Variants in PIGL observed in about 807,000 individuals in gnomAD.
The protein encoded by PIGL is phosphatidylinositol glycan anchor biosynthesis class L.
In PIGL, 22 loss-of-function variants were observed where a neutral mutation model predicts 31.1. The ratio of observed to expected loss-of-function variants is 0.71; its 90% CI spans 0.51 to 1.01. The LOEUF is 1.01. PIGL is among the 50% of genes least tolerant of loss of function. PIGL has a pLI of 0.00. For missense variants in PIGL, 302 were observed against 315.9 expected (o/e 0.96, Z 0.33); for synonymous variants, 131 against 117.4 (o/e 1.12, Z -0.75).
rs544487665 is a variant in PIGL at position 16,295,726 on chromosome 17, G to A, written c.336-4162G>A. On this transcript the variant is annotated intron_variant, in intron 2 of 6. Transcript: ENST00000225609. ...TGGGAGGCCAAGGTGGGTGGATCAC[G>A]AGGTCAGGAGTTTGAGACCAGCCTG... Among the ~76,000 whole-genome samples the A allele has an allele frequency of 1.8e-4, 27 of 152,044 alleles. No individual in the cohort carries two copies. The South Asian group carries it at 5.4e-3, about 30-fold the overall frequency.
At chr17:16,269,077 C>T (rs2092858510) in intron 2 of PIGL, among the ~76,000 whole-genome samples, 1 of 152,088 alleles carries the variant, frequency 6.6e-6, no homozygotes, top group Admixed American at 6.6e-5. Context: ...TTTACTCTGT[C>T]CAACTCTATT....
chr17:16,321,964 A>G (rs1264952632), intron 6 of PIGL, among the ~76,000 whole-genome samples: 1 of 151,764 alleles, frequency 6.6e-6, no homozygotes, highest in Admixed American at 6.6e-5. Flanking sequence ...TTGTATTTTT[A>G]GTACAGACAG....
At chr17:16,229,858 ATTTTTTTTTT>A (rs71150280) in intron 1 of PIGL, among the ~76,000 whole-genome samples, 1 of 97,700 alleles carries the variant, frequency 1.0e-5, no homozygotes, top group African/African-American at 4.3e-5. Context: ...TAAAGTCATG[ATTTTTTTTTT>A]TTTTTTTTTT....
At chr17:16,244,020 G>C (rs1390374873) in intron 2 of PIGL, among the ~76,000 whole-genome samples, 1 of 152,160 alleles carries the variant, frequency 6.6e-6, no homozygotes, top group Non-Finnish European at 1.5e-5. Context: ...CTCTTCTTGG[G>C]CTGAGTCAGT....
At chr17:16,217,635 T>TCC in intron 1 of PIGL, 174 bp downstream of exon 1, 2 of 530,102 alleles carry the variant, frequency 3.8e-6, no homozygotes, top group Non-Finnish European at 6.6e-6. Context: ...GCTTACCTGG[T>TCC]GGGTTGGGGG....
intron 2 of PIGL, among the ~76,000 whole-genome samples, chr17:16,252,621 A>C (rs1187714486): frequency 1.3e-5 from 2 of 151,040 alleles, no homozygotes; most frequent in African/African-American, 4.8e-5. Context: ...TATATAATTT[A>C]AAAGACTATC....
At chr17:16,260,934 A>G (rs912872291) in intron 2 of PIGL, among the ~76,000 whole-genome samples, 1 of 152,074 alleles carries the variant, frequency 6.6e-6, no homozygotes, top group East Asian at 1.9e-4. Context: ...CCTGACCAAC[A>G]TGGTGAAACC....
chr17:16,312,141 A>T (rs1396504919), intron 3 of PIGL, among the ~76,000 whole-genome samples: 1 of 142,824 alleles, frequency 7.0e-6, no homozygotes, highest in African/African-American at 2.7e-5. Flanking sequence ...GGCTGCCCGC[A>T]GCCCCCCACC....
At chr17:16,227,578 C>CT (rs57452229) in intron 1 of PIGL, among the ~76,000 whole-genome samples, 49,537 of 103,250 alleles carry the variant, frequency 0.48, 13,216 homozygotes, top group African/African-American at 0.55. Flanking sequence ...ATTTTCTTTT[C>CT]TTTTTTTTTT....
intron 2 of PIGL, among the ~76,000 whole-genome samples, chr17:16,238,425 G>GTTTCTTTT (rs2092708635): frequency 6.9e-6 from 1 of 144,694 alleles, no homozygotes; most frequent in Non-Finnish European, 1.5e-5. Flanking sequence ...GTACTGGAGT[G>GTTTCTTTT]TTTCTTTTTT....
chr17:16,232,243 A>C (rs2142671069), intron 1 of PIGL, among the ~76,000 whole-genome samples: 1 of 152,242 alleles, frequency 6.6e-6, no homozygotes, highest in East Asian at 1.9e-4. Flanking sequence ...ACACCACTGC[A>C]CTCCAGCCTG....
At chr17:16,298,222 A>G (rs1307440430) in intron 2 of PIGL, among the ~76,000 whole-genome samples, 3 of 152,024 alleles carry the variant, frequency 2.0e-5, no homozygotes, top group African/African-American at 4.8e-5. Flanking sequence ...TTGTGCTGAA[A>G]AACCTCCAGT....
chr17:16,250,088 C>T (rs1006055910), intron 2 of PIGL, among the ~76,000 whole-genome samples: 3 of 152,026 alleles, frequency 2.0e-5, no homozygotes, highest in African/African-American at 7.2e-5. Context: ...CTGGGATTAC[C>T]GACATATGCC....
At chr17:16,294,535 A>C (rs2092973431) in intron 2 of PIGL, among the ~76,000 whole-genome samples, 1 of 152,198 alleles carries the variant, frequency 6.6e-6, no homozygotes, top group Non-Finnish European at 1.5e-5. Context: ...ACTCTTAGAC[A>C]GTGAGAGGCA....
chr17:16,291,429 C>T (rs759487405), intron 2 of PIGL, among the ~76,000 whole-genome samples: 2 of 148,834 alleles, frequency 1.3e-5, no homozygotes, highest in African/African-American at 2.5e-5. Context: ...ATCGCTTGAA[C>T]TCAGGAGATG....
At chr17:16,218,444 C>G (rs2092608964) in intron 1 of PIGL, among the ~76,000 whole-genome samples, 1 of 152,166 alleles carries the variant, frequency 6.6e-6, no homozygotes, top group Non-Finnish European at 1.5e-5. Context: ...CTTTAAACAT[C>G]TACCTATATT....
chr17:16,243,739 G>C (rs1453063491), intron 2 of PIGL, among the ~76,000 whole-genome samples: 1 of 152,186 alleles, frequency 6.6e-6, no homozygotes, highest in East Asian at 1.9e-4. Context: ...CTCTTACTCT[G>C]TGAGTGTTGT....
intron 1 of PIGL, among the ~76,000 whole-genome samples, chr17:16,229,465 TTGA>T (rs2142660601): frequency 6.7e-6 from 1 of 149,940 alleles, no homozygotes; most frequent in Non-Finnish European, 1.5e-5. Flanking sequence ...AAGTATTTAT[TTGA>T]GTACCGGTTT....
intron 2 of PIGL, among the ~76,000 whole-genome samples, chr17:16,248,672 G>A (rs778977223): frequency 6.6e-6 from 1 of 152,114 alleles, no homozygotes; most frequent in Non-Finnish European, 1.5e-5. Flanking sequence ...CTTCCTGGCA[G>A]TCTAGGATTT....
Sources: allele counts gnomAD v4.1 joint callset (sites outside exome capture counted in the v4.1 genomes callset), GRCh38; gene constraint gnomAD v4.1.1; transcripts MANE v1.5; gene names NCBI Gene and HGNC (gene_info 2026-07-23, HGNC 2026-07-21).